Variants in BMPER observed in about 807,000 individuals in gnomAD.
BMPER encodes BMP binding endothelial regulator, also known as BMP-binding endothelial regulator protein.
A neutral mutation model predicts 87.3 loss-of-function variants in BMPER; 45 were observed. That is an observed-to-expected ratio of 0.52 (90% CI 0.41 to 0.66). BMPER has a LOEUF of 0.66. Among genes scored for constraint, BMPER ranks in the 30% least tolerant of loss-of-function variants. The pLI is 0.00. For synonymous variants in BMPER, 326 were observed against 316.2 expected (o/e 1.03, Z -0.33); for missense variants, 784 against 867.5 (o/e 0.90, Z 1.21).
intron 10 of BMPER, among the ~76,000 whole-genome samples, chr7:34,058,649 A>G (rs1214498510): frequency 6.6e-6 from 1 of 152,204 alleles, no homozygotes; most frequent in East Asian, 1.9e-4. Context: ...CCTGGCCTCC[A>G]TTGTAGCCCC....
chr7:33,905,419 G>GCCCCCCCCCCCCCCCCCCCCC, upstream of BMPER: 2 of 110,386 alleles, frequency 1.8e-5, no homozygotes, highest in South Asian at 1.8e-4. Context: ...CTCCCCGGGC[G>GCCCCCCCCCCCCCCCCCCCCC]CCCCCACACC....
rs1790565616 is a variant in BMPER at position 34,130,871 on chromosome 7, A to G, written c.1746-12359A>G. ...GAACACCCCAGCTAGAAGGAACAGC[A>G]TGTGCTTTAGAAGGCGACCTGTCTT... On this transcript the variant is annotated intron_variant, in intron 13 of 14. Transcript: ENST00000649409. Among the ~76,000 whole-genome samples the G allele has an allele frequency of 2.6e-5, 4 of 152,224 alleles. 1 individual carries two copies. In the South Asian group the frequency reaches 8.3e-4, roughly 32 times the overall value.
chr7:34,040,214 T>A (rs1787798927), intron 6 of BMPER, among the ~76,000 whole-genome samples: 2 of 152,052 alleles, frequency 1.3e-5, no homozygotes, highest in Non-Finnish European at 2.9e-5. Flanking sequence ...CAGTTGCTGA[T>A]GTGGGAAGGA....
At chr7:33,937,889 A>G (rs2128609488) in intron 3 of BMPER, among the ~76,000 whole-genome samples, 1 of 152,170 alleles carries the variant, frequency 6.6e-6, no homozygotes, top group African/African-American at 2.4e-5. Context: ...AAGCATCTCT[A>G]ACATCTCCTT....
rs74417240 is a variant in BMPER at position 33,962,756 on chromosome 7, A to G, written c.320-3723A>G. Among the ~76,000 whole-genome samples, 1,269 of 152,294 alleles carry G rather than the reference A, an allele frequency of 8.3e-3. 18 individuals are homozygous for G. The highest frequency in any genetic ancestry group is 0.029 in the African/African-American group (1,205 of 41,560). The stretch of plus-strand genomic sequence containing the variant: ...AAAATCTCAAATGCTTTTTGTCACT[A>G]GAAGAAAACTAATGAATGTTTATAA... On this transcript the variant is annotated intron_variant, in intron 3 of 14. Coordinates refer to ENST00000649409, the MANE Select transcript of BMPER (RefSeq NM_001365308.1).
rs879327540 is a variant in BMPER, at chr7:33,920,418, G to GTTTTTTTTTT, written c.219+13516_219+13517insTTTTTTTTTT. Among the ~76,000 whole-genome samples, 7 of 99,936 alleles carry GTTTTTTTTTT rather than the reference G, an allele frequency of 7.0e-5. 1 individual carries two copies. Among genetic ancestry groups the GTTTTTTTTTT allele is most frequent in the South Asian group, 3.8e-4 (1 of 2,650 alleles). The allele number at this position is 99,936 out of a possible 152,430, so 65.6% of individuals were successfully genotyped here. On this transcript the variant is annotated intron_variant, in intron 2 of 14. Transcript: ENST00000649409. ...CTGTGCAGACCAGGGAAACTCCGTT[G>GTTTTTTTTTT]TGTTTTTTTTTTTTTTTTTTTTTTT...
At chr7:34,032,434 AT>A (rs1325488966) in intron 6 of BMPER, among the ~76,000 whole-genome samples, 1 of 152,162 alleles carries the variant, frequency 6.6e-6, no homozygotes, top group African/African-American at 2.4e-5. Flanking sequence ...GGAGTATGGT[AT>A]AAGTTCCGCA....
intron 13 of BMPER, among the ~76,000 whole-genome samples, chr7:34,093,351 A>C (rs1789441951): frequency 6.6e-6 from 1 of 152,162 alleles, no homozygotes; most frequent in South Asian, 2.1e-4. Flanking sequence ...TGCATGGATG[A>C]TCTTATCTTC....
upstream of BMPER, chr7:33,905,436 T>TCCCCCCCCCCCCCCCCCCCCCCCCCCC: frequency 2.0e-4 from 4 of 20,334 alleles, no homozygotes; most frequent in Non-Finnish European, 2.8e-4. Context: ...CACCTTGGTC[T>TCCCCCCCCCCCCCCCCCCCCCCCCCCC]CTCCCCCCGC....
In BMPER at chr7:34,116,829, G is replaced by A. The variant is rs547966503; in HGVS notation, c.1746-26401G>A. The stretch of plus-strand genomic sequence containing the variant: ...ACATGGCAAAATTCCGTCTCTACTA[G>A]AAATACAAAAATGAGCCGGGTGTGG... On this transcript the variant is annotated intron_variant, in intron 13 of 14. Transcript: ENST00000649409. Among the ~76,000 whole-genome samples, 12 of 151,980 alleles carry A rather than the reference G, an allele frequency of 7.9e-5. No homozygotes were observed. In the South Asian group the frequency reaches 8.3e-4, roughly 11 times the overall value.
chr7:34,130,676 G>A (rs1331866666), intron 13 of BMPER, among the ~76,000 whole-genome samples: 4 of 152,224 alleles, frequency 2.6e-5, no homozygotes, highest in South Asian at 4.1e-4. Context: ...GTGAGGGATC[G>A]CTCCCATGGG....
Position 34,055,164 on chromosome 7 carries a change from A to T in BMPER, c.788A>T (p.Asp263Val), listed in dbSNP as rs780149587. 1.2e-6 allele frequency: 2 copies of T among 1,614,086 alleles called. No homozygotes were observed. The highest frequency in any genetic ancestry group is 3.3e-5 in the Admixed American group (2 of 60,020). ...TCTATTTTGCCTTTGGGCCCCCAGG[A>T]CTCTACTGTGGTTTGCAAGAGGAAG... ...YDNCTACTCR[D>V]STVVCKRKCS... Residue 263 changes from aspartate (D) to valine (V), a missense_variant and splice_region_variant, in exon 9 of 15, where the codon GAC (aspartate) becomes GTC (valine). Coordinates refer to ENST00000649409, the MANE Select transcript of BMPER (RefSeq NM_001365308.1).
At chr7:34,078,556 C>G (rs1188782948) in intron 11 of BMPER, among the ~76,000 whole-genome samples, 1 of 152,126 alleles carries the variant, frequency 6.6e-6, no homozygotes, top group Non-Finnish European at 1.5e-5. Flanking sequence ...TCTTAGTTAT[C>G]TTAGTTCAGT....
chr7:33,986,116 T>C (rs1786005707), intron 6 of BMPER, among the ~76,000 whole-genome samples: 1 of 152,234 alleles, frequency 6.6e-6, no homozygotes, highest in African/African-American at 2.4e-5. Flanking sequence ...CTGTACCTGC[T>C]CCCATATTGA....
chr7:34,062,684 C>T (rs979975327), intron 11 of BMPER, among the ~76,000 whole-genome samples: 3 of 152,166 alleles, frequency 2.0e-5, no homozygotes, highest in South Asian at 2.1e-4. Flanking sequence ...ATGGTATAAC[C>T]TACTGCACAC....
intron 11 of BMPER, among the ~76,000 whole-genome samples, chr7:34,076,409 G>A (rs540401692): frequency 6.6e-6 from 1 of 152,126 alleles, no homozygotes; most frequent in Non-Finnish European, 1.5e-5. Context: ...TCAATTTTGG[G>A]GTGTGTATGT....
intron 2 of BMPER, among the ~76,000 whole-genome samples, chr7:33,918,827 C>T (rs1375597575): frequency 6.6e-6 from 1 of 152,078 alleles, no homozygotes; most frequent in Non-Finnish European, 1.5e-5. Flanking sequence ...TCCATTAGCA[C>T]ATAGATGAGT....
At chr7:34,103,636 C>G (rs142659219) in intron 13 of BMPER, among the ~76,000 whole-genome samples, 2 of 152,210 alleles carry the variant, frequency 1.3e-5, no homozygotes, top group African/African-American at 4.8e-5. Context: ...TTGAATTTTG[C>G]CTGGGAAGAA....
chr7:34,071,304 T>C (rs149331748), intron 11 of BMPER, among the ~76,000 whole-genome samples: 123 of 152,338 alleles, frequency 8.1e-4, no homozygotes, highest in African/African-American at 2.8e-3. Flanking sequence ...GTATCTCTTA[T>C]GTTCTAGGCA....
Sources: allele counts gnomAD v4.1 joint callset (sites outside exome capture counted in the v4.1 genomes callset), GRCh38; gene constraint gnomAD v4.1.1; transcripts MANE v1.5; gene names NCBI Gene and HGNC (gene_info 2026-07-23, HGNC 2026-07-21).